BRAF: variants seen among roughly 807,000 people sequenced by gnomAD.
BRAF encodes the protein serine/threonine-protein kinase B-raf.
In BRAF, 16 loss-of-function variants were observed where a neutral mutation model predicts 104.6. The ratio of observed to expected loss-of-function variants is 0.15; its 90% confidence interval spans 0.10 to 0.23. BRAF has a LOEUF of 0.23. BRAF is among the 10% of genes least tolerant of loss of function. BRAF has a pLI of 1.00. For synonymous variants in BRAF, 310 were observed against 341.6 expected, an observed-to-expected ratio of 0.91 and a Z score of 1.02; for missense variants, 541 against 937.3, an observed-to-expected ratio of 0.58 and a Z score of 5.52.
At chr7:140,920,306 T>C (rs1246313825) in intron 1 of BRAF, among the ~76,000 whole-genome samples, 1 of 152,174 alleles carries the variant, frequency 6.6e-6, no homozygotes, top group Non-Finnish European at 1.5e-5. Flanking sequence ...AAAACAATTT[T>C]ATAATTGGGA....
intron 1 of BRAF, among the ~76,000 whole-genome samples, chr7:140,919,738 T>A (rs1299956172): frequency 1.3e-5 from 2 of 152,210 alleles, no homozygotes; most frequent in African/African-American, 4.8e-5. Flanking sequence ...CCTTATGATT[T>A]TAAAAAGCAG....
rs1795391104 is a variant in BRAF, at chr7:140,722,985, A to G, written c.*3509T>C. 30 of 1,054,166 alleles carry G rather than the reference A, an allele frequency of 2.8e-5. No individual in the cohort carries two copies. The highest frequency in any genetic ancestry group is 3.3e-5 in the Non-Finnish European group (29 of 872,400). The allele number at this position is 1,054,166 out of a possible 1,614,324, so 65.3% of individuals were successfully genotyped here. A position where few individuals can be genotyped will look rare whatever the true frequency, so the allele number is the denominator to read the frequency against. On this transcript the variant is annotated 3_prime_UTR_variant, in exon 20 of 20. Transcript: ENST00000644969. ...GAGAGTGCTCAAATACAAGTACACAAAAAAGTTAAAATCTTAAATCATCGT... is the reference window on the plus strand; with the variant it reads ...GAGAGTGCTCAAATACAAGTACACAGAAAAGTTAAAATCTTAAATCATCGT...
chr7:140,816,747 T>C (rs1333303848), intron 3 of BRAF, among the ~76,000 whole-genome samples: 1 of 152,282 alleles, frequency 6.6e-6, no homozygotes, highest in South Asian at 2.1e-4. Context: ...AAAATAGATA[T>C]GCTCTTCTCA....
chr7:140,854,716 C>T (rs1175704795), intron 1 of BRAF, among the ~76,000 whole-genome samples: 7 of 151,974 alleles, frequency 4.6e-5, no homozygotes, highest in African/African-American at 1.4e-4. Context: ...GAGGATGAGG[C>T]GGGTGGATCA....
intron 1 of BRAF, among the ~76,000 whole-genome samples, chr7:140,921,760 C>CT (rs199862544): frequency 0.029 from 4,253 of 148,616 alleles, 205 homozygotes; most frequent in African/African-American, 0.097. Context: ...TGAAATCAGA[C>CT]TTTTTTTTTA....
At chr7:140,902,082 T>G (rs1173974270) in intron 1 of BRAF, among the ~76,000 whole-genome samples, 1 of 152,186 alleles carries the variant, frequency 6.6e-6, no homozygotes, top group African/African-American at 2.4e-5. Flanking sequence ...CGGATAATGG[T>G]TTTTGTTTGT....
At chr7:140,865,738 T>C (rs964744524) in intron 1 of BRAF, among the ~76,000 whole-genome samples, 2 of 152,196 alleles carry the variant, frequency 1.3e-5, no homozygotes, top group Non-Finnish European at 2.9e-5. Context: ...ATTTAGGAGT[T>C]TGATGATCAT....
At chr7:140,786,185 GA>G (rs566449517) in intron 9 of BRAF, among the ~76,000 whole-genome samples, 2 of 150,448 alleles carry the variant, frequency 1.3e-5, no homozygotes, top group Non-Finnish European at 3.0e-5. Context: ...TAACAAACAG[GA>G]AAAAAAAAGC....
intron 1 of BRAF, among the ~76,000 whole-genome samples, chr7:140,886,880 G>C (rs1320626775): frequency 6.6e-6 from 1 of 152,112 alleles, no homozygotes; most frequent in East Asian, 1.9e-4. Context: ...GTTATAAATG[G>C]CTTTTGATCT....
chr7:140,904,552 A>C (rs1231706743), intron 1 of BRAF, among the ~76,000 whole-genome samples: 1 of 152,190 alleles, frequency 6.6e-6, no homozygotes, highest in Admixed American at 6.6e-5. Flanking sequence ...ATCAATCAAA[A>C]ATTTTTAATC....
At chr7:140,912,573 T>G (rs753647392) in intron 1 of BRAF, among the ~76,000 whole-genome samples, 1 of 152,196 alleles carries the variant, frequency 6.6e-6, no homozygotes, top group Non-Finnish European at 1.5e-5. Context: ...CATTAAAAAT[T>G]TATTGACCCC....
intron 14 of BRAF, among the ~76,000 whole-genome samples, chr7:140,757,076 T>C (rs1798260543): frequency 6.6e-6 from 1 of 152,350 alleles, no homozygotes; most frequent in East Asian, 1.9e-4. Context: ...GTGATTGTTA[T>C]GGCAGCCAAA....
At chr7:140,842,298 T>C (rs1438834878) in intron 2 of BRAF, among the ~76,000 whole-genome samples, 2 of 152,190 alleles carry the variant, frequency 1.3e-5, no homozygotes, top group Admixed American at 6.5e-5. Context: ...CTGAATTGCT[T>C]CATTTATAAA....
At chr7:140,800,545 C>A in intron 6 of BRAF, 64 bp from the exon 7 acceptor site, 1 of 1,610,564 alleles carries the variant, frequency 6.2e-7, no homozygotes, top group Non-Finnish European at 8.5e-7. Flanking sequence ...TACCAAAATA[C>A]ATAGTTAACC....
intron 1 of BRAF, among the ~76,000 whole-genome samples, chr7:140,883,857 C>A (rs1168182338): frequency 6.6e-6 from 1 of 152,080 alleles, no homozygotes; most frequent in African/African-American, 2.4e-5. Flanking sequence ...ATCATTACAC[C>A]ACAGTAAGAT....
chr7:140,784,580 C>T (rs2129028140), intron 10 of BRAF, among the ~76,000 whole-genome samples: 1 of 151,972 alleles, frequency 6.6e-6, no homozygotes, highest in Non-Finnish European at 1.5e-5. Context: ...ATAACAGATA[C>T]TAACTAGCAA....
intron 5 of BRAF, among the ~76,000 whole-genome samples, chr7:140,805,332 C>G (rs1241888944): frequency 6.6e-6 from 1 of 151,928 alleles, no homozygotes; most frequent in Non-Finnish European, 1.5e-5. Flanking sequence ...TTCCATTTGT[C>G]TCTGGATATA....
intron 18 of BRAF, among the ~76,000 whole-genome samples, chr7:140,735,189 A>G (rs530971035): frequency 6.6e-6 from 1 of 152,230 alleles, no homozygotes; most frequent in Admixed American, 6.5e-5. Context: ...GACTATCTCT[A>G]AACAGAATTA....
At chr7:140,893,245 T>G (rs552706028) in intron 1 of BRAF, among the ~76,000 whole-genome samples, 1 of 150,318 alleles carries the variant, frequency 6.7e-6, no homozygotes, top group Non-Finnish European at 1.5e-5. Context: ...CTGTTCCCCA[T>G]AACATTCTTT....
Sources: allele counts gnomAD v4.1 joint callset (sites outside exome capture counted in the v4.1 genomes callset), GRCh38; gene constraint gnomAD v4.1.1; transcripts MANE v1.5; gene names NCBI Gene and HGNC (gene_info 2026-07-23, HGNC 2026-07-21).